Variants in TRERF1 observed in about 807,000 individuals in gnomAD.
The protein encoded by TRERF1 is transcriptional-regulating factor 1.
A neutral mutation model predicts 122.9 loss-of-function variants in TRERF1; 27 were observed. The ratio of observed to expected loss-of-function variants is 0.22; its 90% CI spans 0.16 to 0.30. TRERF1 has a LOEUF of 0.30. Among genes scored for constraint, TRERF1 ranks in the 10% least tolerant of loss-of-function variants. The probability of loss-of-function intolerance (pLI) is 1.00; values close to 1 mark genes in which losing one functional copy is unlikely to be tolerated. For missense variants in TRERF1, 1,248 were observed against 1,560.3 expected (o/e 0.80, Z 3.37); for synonymous variants, 636 against 641.7 (o/e 0.99, Z 0.13).
chr6:42,347,817 C>T (rs1041276011), intron 3 of TRERF1, among the ~76,000 whole-genome samples: 15 of 152,226 alleles, frequency 9.9e-5, no homozygotes, highest in Non-Finnish European at 2.1e-4. Flanking sequence ...AGAACTTCAG[C>T]ACAAGGAGCA....
chr6:42,240,915 T>G (rs1773543004), intron 15 of TRERF1, among the ~76,000 whole-genome samples: 1 of 152,098 alleles, frequency 6.6e-6, no homozygotes, highest in Non-Finnish European at 1.5e-5. Flanking sequence ...TTTTCTGAGA[T>G]GTAGTCTCAC....
Position 42,386,813 on chromosome 6 carries a change from T to G in TRERF1, c.-453-23734A>C, listed in dbSNP as rs78150072. ...AGCCCAGTGCTGAGACACTGCTCTCTCTGAGGATGAGATGCGCAGCAACTA... is the reference window on the plus strand; with the variant it reads ...AGCCCAGTGCTGAGACACTGCTCTCGCTGAGGATGAGATGCGCAGCAACTA... On this transcript the variant is annotated intron_variant, in intron 2 of 17. Transcript: ENST00000372922. Among the ~76,000 whole-genome samples, 8 of 152,330 alleles carry G rather than the reference T, an allele frequency of 5.3e-5. No homozygotes were observed. In the East Asian group the frequency reaches 1.4e-3, roughly 26 times the overall value.
chr6:42,362,369 C>T (rs986856821), intron 3 of TRERF1, among the ~76,000 whole-genome samples: 1 of 152,226 alleles, frequency 6.6e-6, no homozygotes, highest in African/African-American at 2.4e-5. Flanking sequence ...TCCCCACTGT[C>T]GCCAAGAATG....
rs397749940 is a variant in TRERF1, at chr6:42,334,025, ACG to A, written c.-371+28970_-371+28971del. 6.9e-3 allele frequency among the ~76,000 whole-genome samples: 1,006 copies of A among 145,184 alleles called. 12 individuals are homozygous for A. Among genetic ancestry groups the A allele is most frequent in the African/African-American group, 0.026 (940 of 36,776 alleles). ...CACACACACACACACACACACACAC[ACG>A]TATGTACACATATATGTATATGTAT... On this transcript the variant is annotated intron_variant, in intron 3 of 17. Transcript: ENST00000372922.
At chr6:42,312,629 C>T (rs553433658) in intron 3 of TRERF1, among the ~76,000 whole-genome samples, 5 of 152,244 alleles carry the variant, frequency 3.3e-5, no homozygotes, top group African/African-American at 1.2e-4. Context: ...GGCATCTGCA[C>T]CTTCGGGAGC....
chr6:42,356,037 G>T (rs1429880648), intron 3 of TRERF1, among the ~76,000 whole-genome samples: 1 of 152,186 alleles, frequency 6.6e-6, no homozygotes. Flanking sequence ...GGAGAGACAA[G>T]GAGAACCTCT....
Position 42,226,072 on chromosome 6 carries a change from A to C in TRERF1, c.*2273T>G, listed in dbSNP as rs1206681316. The C allele has an allele frequency of 2.6e-5, 4 of 152,214 alleles. No individual in the cohort carries two copies. The East Asian group carries it at 7.7e-4, about 29-fold the overall frequency. 9.4% of individuals were successfully genotyped at this position (152,214 alleles called of 1,614,324 possible). A position where few individuals can be genotyped will look rare whatever the true frequency, so the allele number is the denominator to read the frequency against. On this transcript the variant is annotated 3_prime_UTR_variant, in exon 18 of 18. Coordinates refer to ENST00000372922, the Ensembl canonical transcript of TRERF1. ...CATTGTACTAGGAAGTCCATTCTTT[A>C]AGTTGATAGTCAAGAAATACTAATT...
chr6:42,233,476 A>T (rs190672885), intron 16 of TRERF1, among the ~76,000 whole-genome samples: 185 of 151,784 alleles, frequency 1.2e-3, no homozygotes, highest in Middle Eastern at 3.4e-3. Context: ...TAGTAGAGAC[A>T]GGGTTTCACC....
chr6:42,244,536 C>T (rs983267165), intron 14 of TRERF1, among the ~76,000 whole-genome samples: 2 of 152,166 alleles, frequency 1.3e-5, no homozygotes, highest in Admixed American at 1.3e-4. Flanking sequence ...ATTCCCTCCC[C>T]CACCATCTTT....
At position 42,269,401 on chromosome 6, in the gene TRERF1, C is replaced by G; in HGVS notation, c.190G>C (p.Gly64Arg). 1 of 1,614,214 alleles carries G rather than the reference C, an allele frequency of 6.2e-7. No homozygotes were observed. The highest frequency in any genetic ancestry group is 2.2e-5 in the East Asian group (1 of 44,884). The change falls in exon 5 of 18, where the codon GGT becomes CGT. Residue 64 changes from glycine (G) to arginine (R), a missense_variant. Transcript: ENST00000372922. The surrounding 1 kb of genome is among the most constrained non-coding windows in gnomAD (Gnocchi z 4.9). The stretch of plus-strand genomic sequence containing the variant: ...TTGGAGCCAACAGGCAAGCCCAGAC[C>G]ATCCCGTGTATCTTGAGGGAAGTGG...
intron 3 of TRERF1, among the ~76,000 whole-genome samples, chr6:42,324,616 G>C (rs1373008078): frequency 6.6e-6 from 1 of 152,130 alleles, no homozygotes; most frequent in Non-Finnish European, 1.5e-5. Flanking sequence ...ACAACCAACT[G>C]ATCTTCAACA....
intron 3 of TRERF1, among the ~76,000 whole-genome samples, chr6:42,308,830 T>C (rs1787742024): frequency 6.6e-6 from 1 of 152,128 alleles, no homozygotes. Flanking sequence ...AGATTACAAC[T>C]GGGTACTGGG....
At position 42,228,060 on chromosome 6, in the gene TRERF1, T is replaced by G. The variant is rs1769789669; in HGVS notation, c.*285A>C. ...ATCTGAATGCAATGGAACATGAAGG[T>G]CAGCTTCAGTCCCTACTGGGAATGA... On this transcript the variant is annotated 3_prime_UTR_variant, in exon 18 of 18. Coordinates refer to ENST00000372922, the Ensembl canonical transcript of TRERF1. This position sits in a 1 kb window ranked among gnomAD's most constrained non-coding sequence, Gnocchi z 4.2. 1 of 290,548 alleles carries G rather than the reference T, an allele frequency of 3.4e-6. No homozygotes were observed. Among genetic ancestry groups the G allele is most frequent in the East Asian group, 6.9e-5 (1 of 14,572 alleles). The allele number at this position is 290,548 out of a possible 1,614,324, so 18.0% of individuals were successfully genotyped here.
chr6:42,296,428 T>A (rs1244039684), intron 4 of TRERF1, among the ~76,000 whole-genome samples: 1 of 152,216 alleles, frequency 6.6e-6, no homozygotes, highest in Non-Finnish European at 1.5e-5. Flanking sequence ...CATAGTTATA[T>A]GAACCACCAC....
chr6:42,449,723 A>G (rs1788131269), intron 2 of TRERF1, among the ~76,000 whole-genome samples: 1 of 152,260 alleles, frequency 6.6e-6, no homozygotes, highest in Admixed American at 6.5e-5. Context: ...AACATTTGAT[A>G]AGCAGCAATA....
At chr6:42,435,660 C>T (rs1176944747) in intron 2 of TRERF1, among the ~76,000 whole-genome samples, 2 of 151,972 alleles carry the variant, frequency 1.3e-5, no homozygotes, top group Non-Finnish European at 2.9e-5. Flanking sequence ...AAGGTAAATT[C>T]CTAATAATAG....
intron 2 of TRERF1, among the ~76,000 whole-genome samples, chr6:42,394,249 C>T (rs981656895): frequency 6.6e-6 from 1 of 152,086 alleles, no homozygotes; most frequent in African/African-American, 2.4e-5. Context: ...ACTCTCCCCC[C>T]ACAACACACT....
intron 3 of TRERF1, among the ~76,000 whole-genome samples, chr6:42,313,079 G>A (rs1761938509): frequency 6.6e-6 from 1 of 152,140 alleles, no homozygotes; most frequent in Non-Finnish European, 1.5e-5. Flanking sequence ...AGAAAGGCAG[G>A]GCTGGCTGTG....
At chr6:42,425,511 C>T (rs372334033) in intron 2 of TRERF1, among the ~76,000 whole-genome samples, 5 of 144,458 alleles carry the variant, frequency 3.5e-5, no homozygotes, top group South Asian at 2.2e-4. Flanking sequence ...ATACCTAAAC[C>T]GACACGGCCC....
Sources: gnomAD v4.1 joint callset for allele counts (sites outside exome capture counted in the v4.1 genomes callset) on GRCh38, gnomAD v4.1.1 for gene constraint, Gnocchi (gnomAD v3.1) non-coding constraint, MANE v1.5 for transcripts, NCBI Gene and HGNC (gene_info 2026-07-23, HGNC 2026-07-21) for gene names.